CELF2: variants seen among roughly 807,000 people sequenced by gnomAD.
CELF2 encodes the protein CUGBP Elav-like family member 2.
A neutral mutation model predicts 62.6 loss-of-function variants in CELF2; 8 were observed. The ratio of observed to expected loss-of-function variants is 0.13; its 90% CI spans 0.07 to 0.23. The LOEUF is 0.23. CELF2 is among the 10% of genes least tolerant of loss of function. The pLI is 1.00. For missense variants in CELF2, 333 were observed against 671.0 expected (o/e 0.50, Z 5.56); for synonymous variants, 258 against 250.0 (o/e 1.03, Z -0.30).
chr10:11,023,845 T>C (rs544981978), intron 1 of CELF2, among the ~76,000 whole-genome samples: 1 of 152,346 alleles, frequency 6.6e-6, no homozygotes, highest in Non-Finnish European at 1.5e-5. Flanking sequence ...GTATGTTCTG[T>C]TTAGATACTA....
chr10:10,710,065 T>C, the CELF2 span, among the ~76,000 whole-genome samples: 1 of 152,188 alleles, frequency 6.6e-6, no homozygotes. Flanking sequence ...CCCAAAACAA[T>C]GTTTCCAGTC....
At chr10:10,825,685 G>C (rs2057334318) in intron 1 of CELF2, among the ~76,000 whole-genome samples, 1 of 152,094 alleles carries the variant, frequency 6.6e-6, no homozygotes, top group Non-Finnish European at 1.5e-5. Context: ...CCGGAGTGTT[G>C]GTGGACTTCT....
At chr10:10,564,682 GCACACACA>G in the CELF2 span, among the ~76,000 whole-genome samples, 22,218 of 130,558 alleles carry the variant, frequency 0.17, 1,882 homozygotes, top group East Asian at 0.34. Flanking sequence ...ACGCACACAC[GCACACACA>G]CACACACACA....
At chr10:10,519,907 A>T in the CELF2 span, among the ~76,000 whole-genome samples, 4 of 152,186 alleles carry the variant, frequency 2.6e-5, no homozygotes, top group Non-Finnish European at 5.9e-5. Flanking sequence ...TTCTGTTTAG[A>T]TGAGCCCCAG....
intron 1 of CELF2, among the ~76,000 whole-genome samples, chr10:10,871,811 T>C (rs1445108357): frequency 6.6e-6 from 1 of 152,064 alleles, no homozygotes; most frequent in Non-Finnish European, 1.5e-5. Context: ...GAGGAAGTAG[T>C]GAAAAGAGGC....
intron 1 of CELF2, among the ~76,000 whole-genome samples, chr10:11,149,096 A>T (rs548268834): frequency 6.6e-6 from 1 of 151,990 alleles, no homozygotes; most frequent in South Asian, 2.1e-4. Context: ...CCCAAGTCGG[A>T]GTCTCCTTCT....
chr10:10,768,016 A>T, the CELF2 span, among the ~76,000 whole-genome samples: 1 of 140,336 alleles, frequency 7.1e-6, no homozygotes, highest in Non-Finnish European at 1.5e-5. Context: ...AAAAAAAAAA[A>T]TTAGCCAGGC....
Position 10,997,208 on chromosome 10 carries a change from T to A in CELF2, c.89+77209T>A, listed in dbSNP as rs1030067282. Among the ~76,000 whole-genome samples the A allele has an allele frequency of 4.6e-5, 7 of 152,180 alleles. No homozygotes were observed. Among genetic ancestry groups the A allele is most frequent in the African/African-American group, 1.2e-4 (5 of 41,446 alleles). On this transcript the variant is annotated intron_variant, in intron 2 of 13. Transcript: ENST00000636488. This position sits in a 1 kb window ranked among gnomAD's most constrained non-coding sequence, Gnocchi z 5.3. ...TTCCTCATTTGTGTCATGTGGGTGATAATGCAGATTTACGGGATGGCTCTC... is the reference window on the plus strand; with the variant it reads ...TTCCTCATTTGTGTCATGTGGGTGAAAATGCAGATTTACGGGATGGCTCTC...
At chr10:10,903,440 TAAGC>T (rs1290635581) in intron 1 of CELF2, among the ~76,000 whole-genome samples, 3 of 152,166 alleles carry the variant, frequency 2.0e-5, no homozygotes, top group Admixed American at 2.0e-4. Flanking sequence ...AACTTTCCAA[TAAGC>T]AAACCCAATT....
At position 11,053,373 on chromosome 10, in the gene CELF2, A is replaced by G. The variant is rs1353062415; in HGVS notation, c.74+35210A>G. On this transcript the variant is annotated intron_variant, in intron 1 of 12. Coordinates refer to ENST00000633077, the MANE Select transcript of CELF2 (RefSeq NM_001326342.2). ...CATGAATCCTCTGCTTCCTCTTGCC[A>G]TTGGTCCTTTCACCTGAGAGGCATA... 8.5e-5 allele frequency among the ~76,000 whole-genome samples: 13 copies of G among 152,246 alleles called. No individual in the cohort carries two copies. In the South Asian group the frequency reaches 2.5e-3, roughly 29 times the overall value.
chr10:10,464,536 G>GT, the CELF2 span, among the ~76,000 whole-genome samples: 1 of 151,738 alleles, frequency 6.6e-6, no homozygotes, highest in Non-Finnish European at 1.5e-5. Flanking sequence ...CCAAAATCCC[G>GT]TACGTGAAAA....
the CELF2 span, among the ~76,000 whole-genome samples, chr10:10,569,529 A>G: frequency 6.6e-6 from 1 of 152,164 alleles, no homozygotes; most frequent in African/African-American, 2.4e-5. Context: ...ACACAGCCAA[A>G]CCCTATCAGT....
the CELF2 span, among the ~76,000 whole-genome samples, chr10:10,711,241 C>T: frequency 3.9e-5 from 6 of 152,204 alleles, no homozygotes; most frequent in East Asian, 1.2e-3. Context: ...TTGCTATTGG[C>T]CATAAGAGCA....
chr10:11,250,116 G>A (rs2076702550), intron 4 of CELF2, among the ~76,000 whole-genome samples: 1 of 152,222 alleles, frequency 6.6e-6, no homozygotes, highest in Non-Finnish European at 1.5e-5. Context: ...TAATTGTAGT[G>A]CATTCCATTT....
rs529302421 is a variant in CELF2, at chr10:11,062,147, AG to A, written c.74+43991del. ...TGCCTACGGTTGAGACCTACTGCTC[AG>A]GGGGGGAAAAAAAAATTCCTTTCCA... On this transcript the variant is annotated intron_variant, in intron 1 of 12. Coordinates refer to ENST00000633077, the MANE Select transcript of CELF2 (RefSeq NM_001326342.2). Among the ~76,000 whole-genome samples, 46 of 150,172 alleles carry A rather than the reference AG, an allele frequency of 3.1e-4. No individual in the cohort carries two copies. The South Asian group carries it at 6.5e-3, about 21-fold the overall frequency.
At chr10:10,543,044 C>T in the CELF2 span, among the ~76,000 whole-genome samples, 1 of 152,184 alleles carries the variant, frequency 6.6e-6, no homozygotes, top group Non-Finnish European at 1.5e-5. Flanking sequence ...AAGAGTCCTC[C>T]CAGCTGATTG....
chr10:10,547,692 A>AGAGT, the CELF2 span, among the ~76,000 whole-genome samples: 568 of 138,100 alleles, frequency 4.1e-3, 2 homozygotes, highest in Middle Eastern at 0.017. Context: ...AGAGAGAGAG[A>AGAGT]GTGTGTGTGT....
chr10:11,234,023 G>A (rs932211235), intron 3 of CELF2, among the ~76,000 whole-genome samples: 18 of 152,164 alleles, frequency 1.2e-4, no homozygotes, highest in Non-Finnish European at 2.5e-4. Context: ...TGAGATCCAC[G>A]CTCTATACTG....
the CELF2 span, among the ~76,000 whole-genome samples, chr10:10,524,613 C>T: frequency 3.6e-3 from 540 of 151,926 alleles, 2 homozygotes; most frequent in Middle Eastern, 0.017. Flanking sequence ...GATAGGCTTT[C>T]GAATTGATAG....
Sources: allele counts gnomAD v4.1 joint callset (sites outside exome capture counted in the v4.1 genomes callset), GRCh38; gene constraint gnomAD v4.1.1; non-coding constraint Gnocchi (gnomAD v3.1); transcripts MANE v1.5; gene names NCBI Gene and HGNC (gene_info 2026-07-23, HGNC 2026-07-21).